PRKG1: variants seen among roughly 807,000 people sequenced by gnomAD.
PRKG1 encodes the protein protein kinase cGMP-dependent 1.
Under a neutral mutation model 88.1 loss-of-function variants are expected in PRKG1, and 35 were observed. That is an observed-to-expected ratio of 0.40 (90% CI 0.30 to 0.53). The LOEUF (loss-of-function observed/expected upper bound fraction) is 0.53. Ranked by LOEUF, PRKG1 falls within the 20% of genes least tolerant of loss-of-function variation. The pLI is 0.59. For missense variants in PRKG1, 540 were observed against 839.8 expected, an observed-to-expected ratio of 0.64 and a Z score of 4.41; for synonymous variants, 303 against 292.5, an observed-to-expected ratio of 1.04 and a Z score of -0.37.
intron 3 of PRKG1, among the ~76,000 whole-genome samples, chr10:51,675,950 C>T (rs115545940): frequency 1.7e-3 from 260 of 152,090 alleles, no homozygotes; most frequent in African/African-American, 5.9e-3. Flanking sequence ...CAGGGAGGGT[C>T]GTGGGCCCTT....
chr10:51,905,778 T>A (rs1842073811), intron 4 of PRKG1, among the ~76,000 whole-genome samples: 2 of 152,156 alleles, frequency 1.3e-5, no homozygotes, highest in Admixed American at 1.3e-4. Context: ...AGCTAATATA[T>A]TTCATGGGTA....
rs921679894 is a variant in PRKG1, at chr10:51,423,831, C to T, written c.479-43892C>T. Among the ~76,000 whole-genome samples the T allele has an allele frequency of 4.0e-4, 60 of 151,808 alleles. 2 individuals carry two copies. Among genetic ancestry groups the T allele is most frequent in the South Asian group, 6.2e-4 (3 of 4,814 alleles). Reference sequence around the variant, plus strand: ...TTATTTTTTATTTAAAATATGTTGGCCAAAAGCAGATTTTAGAAATAAATG... The same window carrying T: ...TTATTTTTTATTTAAAATATGTTGGTCAAAAGCAGATTTTAGAAATAAATG... On this transcript the variant is annotated intron_variant, in intron 2 of 17. Transcript: ENST00000373980.
chr10:51,639,436 C>CAAAAAAAAAAAAAAAAA (rs769304908), intron 3 of PRKG1, among the ~76,000 whole-genome samples: 2 of 31,780 alleles, frequency 6.3e-5, no homozygotes, highest in African/African-American at 1.9e-4. Context: ...GACTCCATCT[C>CAAAAAAAAAAAAAAAAA]AAAAAAAAAA....
intron 3 of PRKG1, among the ~76,000 whole-genome samples, chr10:51,793,138 C>A (rs1315327196): frequency 7.3e-3 from 509 of 69,372 alleles, no homozygotes; most frequent in East Asian, 0.016. Context: ...CAGCACACTG[C>A]AAAAAAAAAA....
At chr10:51,110,784 G>T (rs561484387) in intron 1 of PRKG1, among the ~76,000 whole-genome samples, 3 of 152,204 alleles carry the variant, frequency 2.0e-5, no homozygotes, top group South Asian at 4.1e-4. Flanking sequence ...GTTAAATAGA[G>T]AATGAACTGT....
At chr10:51,287,511 A>T (rs1246132066) in intron 2 of PRKG1, among the ~76,000 whole-genome samples, 2 of 152,228 alleles carry the variant, frequency 1.3e-5, no homozygotes, top group African/African-American at 4.8e-5. Flanking sequence ...TCCTGTTCAC[A>T]TGGAGCGTAA....
At chr10:51,698,711 A>G in intron 3 of PRKG1, 3 of 1,614,202 alleles carry the variant, frequency 1.9e-6, no homozygotes, top group Non-Finnish European at 2.5e-6. Flanking sequence ...TCCAGGAGTT[A>G]AGGAACCAGG....
At chr10:52,172,698 C>G (rs984859782) in intron 9 of PRKG1, among the ~76,000 whole-genome samples, 1 of 152,182 alleles carries the variant, frequency 6.6e-6, no homozygotes, top group African/African-American at 2.4e-5. Context: ...CAGCATAATT[C>G]TAAAACTGCT....
intron 5 of PRKG1, among the ~76,000 whole-genome samples, chr10:51,915,905 C>T (rs892009788): frequency 2.0e-5 from 3 of 152,168 alleles, no homozygotes; most frequent in African/African-American, 4.8e-5. Flanking sequence ...AGTTAACATA[C>T]TACCTCACAC....
intron 2 of PRKG1, among the ~76,000 whole-genome samples, chr10:51,253,021 G>T (rs1839466589): frequency 6.6e-6 from 1 of 151,818 alleles, no homozygotes; most frequent in South Asian, 2.1e-4. Context: ...CATTGGCAGA[G>T]ATTTTTACAG....
At chr10:51,136,692 C>G (rs1845693203) in intron 1 of PRKG1, among the ~76,000 whole-genome samples, 2 of 151,854 alleles carry the variant, frequency 1.3e-5, no homozygotes, top group Non-Finnish European at 2.9e-5. Context: ...CTAGTAAGCT[C>G]TATCTCTTTT....
intron 9 of PRKG1, among the ~76,000 whole-genome samples, chr10:52,228,607 A>G (rs771330152): frequency 3.9e-5 from 6 of 152,220 alleles, no homozygotes; most frequent in Non-Finnish European, 5.9e-5. Context: ...ACCAAATGAA[A>G]TTATATGAAA....
chr10:51,733,005 T>G (rs1323792337), intron 3 of PRKG1, among the ~76,000 whole-genome samples: 2 of 152,182 alleles, frequency 1.3e-5, no homozygotes, highest in East Asian at 3.9e-4. Context: ...CCTTTGGCTG[T>G]GTCCTCAAAT....
intron 3 of PRKG1, among the ~76,000 whole-genome samples, chr10:51,501,723 T>C (rs1841029006): frequency 6.6e-6 from 1 of 152,060 alleles, no homozygotes; most frequent in African/African-American, 2.4e-5. Flanking sequence ...CAAAACTCCC[T>C]TTCTTTATTC....
chr10:51,027,014 A>T (rs16912789), intron 1 of PRKG1, among the ~76,000 whole-genome samples: 1 of 152,004 alleles, frequency 6.6e-6, no homozygotes, highest in South Asian at 2.1e-4. Context: ...AAAAAATCCA[A>T]ATCTCTTACT....
intron 2 of PRKG1, among the ~76,000 whole-genome samples, chr10:51,198,084 T>C (rs7917357): frequency 0.053 from 8,014 of 152,146 alleles, 394 homozygotes; most frequent in African/African-American, 0.13. Context: ...ATGAAACATA[T>C]GATTCCCTGG....
intron 1 of PRKG1, among the ~76,000 whole-genome samples, chr10:51,018,805 C>T (rs998251824): frequency 4.6e-5 from 7 of 152,154 alleles, no homozygotes; most frequent in Admixed American, 3.9e-4. Flanking sequence ...TGACTCGATA[C>T]GAGTACAGTG....
chr10:51,082,815 C>T (rs16913603), intron 1 of PRKG1, among the ~76,000 whole-genome samples: 7,243 of 152,134 alleles, frequency 0.048, 246 homozygotes, highest in East Asian at 0.15. Context: ...TGATCATTTC[C>T]CTACCTAGCC....
At chr10:51,008,065 A>G (rs1372392731) in intron 1 of PRKG1, among the ~76,000 whole-genome samples, 1 of 152,180 alleles carries the variant, frequency 6.6e-6, no homozygotes, top group Admixed American at 6.5e-5. Context: ...ATGATAATCA[A>G]CAGCAGGAAC....
Sources: gnomAD v4.1 joint callset for allele counts (sites outside exome capture counted in the v4.1 genomes callset) on GRCh38, gnomAD v4.1.1 for gene constraint, MANE v1.5 for transcripts, NCBI Gene and HGNC (gene_info 2026-07-23, HGNC 2026-07-21) for gene names.